Variants in CCT6A observed in about 807,000 individuals in gnomAD.
CCT6A encodes the protein chaperonin containing TCP1 subunit 6A, also known as T-complex protein 1 subunit zeta.
A neutral mutation model predicts 58.6 loss-of-function variants in CCT6A; 6 were observed. That is an observed-to-expected ratio of 0.10 (90% CI 0.06 to 0.20). The LOEUF (loss-of-function observed/expected upper bound fraction) is 0.20, where lower values mean the gene tolerates loss of function less well. Among genes scored for constraint, CCT6A ranks in the 10% least tolerant of loss-of-function variants. The pLI, the probability that CCT6A is intolerant of heterozygous loss-of-function variation, is 1.00. For synonymous variants in CCT6A, 245 were observed against 227.8 expected, an observed-to-expected ratio of 1.08 and a Z score of -0.68; for missense variants, 516 against 648.8, an observed-to-expected ratio of 0.80 and a Z score of 2.22.
At chr7:56,055,891 C>T in intron 4 of CCT6A, 94 bp downstream of exon 4, 2 of 930,658 alleles carry the variant, frequency 2.1e-6, no homozygotes, top group Non-Finnish European at 3.3e-6. Flanking sequence ...ATTTCAATTA[C>T]AAGGTGCTGT....
intron 2 of CCT6A, among the ~76,000 whole-genome samples, chr7:56,053,558 C>T (rs1165830384): frequency 3.3e-5 from 5 of 152,056 alleles, no homozygotes; most frequent in Admixed American, 2.0e-4. Flanking sequence ...TCACGACCAG[C>T]CCTGGCCAAC....
At chr7:56,052,808 T>A (rs1421649832) in intron 2 of CCT6A, among the ~76,000 whole-genome samples, 2 of 23,810 alleles carry the variant, frequency 8.4e-5, no homozygotes, top group South Asian at 1.1e-3. Context: ...TTTTTTTTTT[T>A]AATTAGACGA....
At chr7:56,057,949 C>T (rs758518835) in intron 5 of CCT6A, 44 bp from the exon 6 acceptor site, 5 of 968,412 alleles carry the variant, frequency 5.2e-6, no homozygotes, top group African/African-American at 4.8e-5. Flanking sequence ...TATTAAATAC[C>T]CATCTGAAAA....
chr7:56,060,575 C>T (rs753010903), intron 10 of CCT6A, 159 bp downstream of exon 10: 8 of 945,684 alleles, frequency 8.5e-6, no homozygotes, highest in Non-Finnish European at 1.0e-5. Flanking sequence ...TTTTTCATAG[C>T]ATATCATTAT....
At chr7:56,054,970 T>C (rs975811774) in intron 3 of CCT6A, among the ~76,000 whole-genome samples, 2 of 152,156 alleles carry the variant, frequency 1.3e-5, no homozygotes, top group African/African-American at 4.8e-5. Context: ...AGTTTGAGAT[T>C]ACCTATAGAA....
chr7:56,060,462 T>C (rs778502846), intron 10 of CCT6A, 46 bp downstream of exon 10: 3 of 1,589,682 alleles, frequency 1.9e-6, no homozygotes, highest in Non-Finnish European at 2.6e-6. Context: ...GTTTTGCTGG[T>C]CTGAAAGGCA....
intron 3 of CCT6A, among the ~76,000 whole-genome samples, chr7:56,055,165 T>A (rs1009547172): frequency 6.6e-6 from 1 of 152,056 alleles, no homozygotes; most frequent in African/African-American, 2.4e-5. Flanking sequence ...TCCCAGCTAC[T>A]TGGGAAGCTG....
At chr7:56,062,890 T>C in intron 13 of CCT6A, 123 bp from the exon 14 acceptor site, 1 of 1,116,848 alleles carries the variant, frequency 9.0e-7, no homozygotes, top group East Asian at 2.3e-5. Flanking sequence ...AGCCCTCTGA[T>C]GTGTAGAGGG....
intron 3 of CCT6A, among the ~76,000 whole-genome samples, chr7:56,054,741 TTAGTG>T (rs1391173610): frequency 6.6e-6 from 1 of 152,188 alleles, no homozygotes; most frequent in Non-Finnish European, 1.5e-5. Flanking sequence ...GCATCTGTCT[TTAGTG>T]TAGATTAATA....
At position 56,059,691 on chromosome 7, in the gene CCT6A, ATTTTTGTT is replaced by A. The variant is rs774734372; in HGVS notation, c.1065+53_1065+60del. 6.4e-6 allele frequency: 6 copies of A among 944,256 alleles called. No individual in the cohort carries two copies. In the African/African-American group the frequency reaches 9.7e-5, roughly 15 times the overall value. 58.5% of individuals were successfully genotyped at this position (944,256 alleles called of 1,614,324 possible). A position where few individuals can be genotyped will look rare whatever the true frequency, so the allele number is the denominator to read the frequency against. ...AATAGAACCTTTTAGCTCGTGAATTATTTTTGTTTGTTTGTTTGAGGTGGGGTCTCACT... is the reference window on the plus strand; with the variant it reads ...AATAGAACCTTTTAGCTCGTGAATTATGTTTGTTTGAGGTGGGGTCTCACT... On this transcript the variant is annotated intron_variant, in intron 9 of 13. Transcript: ENST00000275603.
At chr7:56,057,679 A>G (rs1411365745) in intron 5 of CCT6A, among the ~76,000 whole-genome samples, 2 of 152,062 alleles carry the variant, frequency 1.3e-5, no homozygotes, top group East Asian at 1.9e-4. Flanking sequence ...AGGAGATCGA[A>G]ACCATCCTGG....
At chr7:56,062,325 C>G (rs966764265) in intron 12 of CCT6A, among the ~76,000 whole-genome samples, 1 of 152,142 alleles carries the variant, frequency 6.6e-6, no homozygotes, top group African/African-American at 2.4e-5. Context: ...TAACAGGTAC[C>G]TCCATGCAGT....
Position 56,059,620 on chromosome 7 carries a change from C to G in CCT6A, c.1045C>G (p.Leu349Val), listed in dbSNP as rs999166269. The G allele has an allele frequency of 1.3e-6, 2 of 1,542,096 alleles. No individual in the cohort carries two copies. Among genetic ancestry groups the G allele is most frequent in the Non-Finnish European group, 1.8e-6 (2 of 1,114,448 alleles). ...TCCTGACTGCTTGGGACATGCAGGA[C>G]TTGTATATGAGTATACATTGGTAAG... ...LSPDCLGHAG[L>V]VYEYTLGEEK... is the part of the protein sequence containing the mutation. Residue 349 changes from leucine (L) to valine (V), a missense_variant, in exon 9 of 14, where the codon CTT becomes GTT. Leu to Val is a conservative substitution (Grantham distance 32). This residue lies in a region of CCT6A where 315 missense variants were observed against 389.4 expected (regional missense o/e 0.81). Coordinates refer to ENST00000275603, the MANE Select transcript of CCT6A (RefSeq NM_001762.4).
chr7:56,058,437 T>C lies in CCT6A; in HGVS notation c.801T>C (p.Ile267=). The C allele has an allele frequency of 1.2e-6, 2 of 1,604,712 alleles. No individual in the cohort carries two copies. Among genetic ancestry groups the C allele is most frequent in the Non-Finnish European group, 1.7e-6 (2 of 1,176,330 alleles). ...EKLVKAERKF[I]EDRVKKIIEL... ...TCGTGAAAGCTGAAAGAAAATTCAT[T>C]GAAGATAGGGTTAAAAAAATAATAG... The change falls in exon 7 of 14, where the codon ATT becomes ATC. Residue 267 remains isoleucine (I), a synonymous_variant. Transcript: ENST00000275603.
rs538605076 is a variant in CCT6A, at chr7:56,058,858, T to C, written c.968+156T>C. The C allele has an allele frequency of 1.4e-4, 71 of 500,522 alleles. 1 individual carries two copies. The highest frequency in any genetic ancestry group is 9.9e-4 in the Middle Eastern group (2 of 2,024). The allele number at this position is 500,522 out of a possible 1,614,324, so 31.0% of individuals were successfully genotyped here. A position where few individuals can be genotyped will look rare whatever the true frequency, so the allele number is the denominator to read the frequency against. On this transcript the variant is annotated intron_variant, in intron 8 of 13. Coordinates refer to ENST00000275603, the MANE Select transcript of CCT6A (RefSeq NM_001762.4). ...GTCAGCACTGTCCATCTCTAGGACT[T>C]TTTTCATCATCACAAACTGAAACTG... is the stretch of plus-strand genomic sequence containing the variant.
Position 56,061,787 on chromosome 7 carries a change from T to C in CCT6A, c.1388T>C (p.Leu463Ser), listed in dbSNP as rs1794446224. The C allele has an allele frequency of 6.2e-7, 1 of 1,604,666 alleles. No homozygotes were observed. The highest frequency in any genetic ancestry group is 8.5e-7 in the Non-Finnish European group (1 of 1,175,646). ...TCTGGTTTTGACCTTCAGGAAACATTAGTTAAAATTCAAGCAGAACATTCA... is the reference window on the plus strand; with the variant it reads ...TCTGGTTTTGACCTTCAGGAAACATCAGTTAAAATTCAAGCAGAACATTCA... ...QNSGFDLQET[L>S]VKIQAEHSES... The change falls in exon 12 of 14, where the codon TTA becomes TCA. Residue 463 changes from leucine (L) to serine (S), a missense_variant. This residue lies in a region of CCT6A where 315 missense variants were observed against 389.4 expected (regional missense o/e 0.81). Coordinates refer to ENST00000275603, the MANE Select transcript of CCT6A (RefSeq NM_001762.4).
rs192970041 is a variant in CCT6A, at chr7:56,060,407, A to G, written c.1204A>G (p.Ile402Val). The change falls in exon 10 of 14, where the codon ATT becomes GTT. Residue 402 changes from isoleucine to valine, a missense_variant. Physicochemically the swap from Ile to Val is conservative, Grantham distance 29. Around this residue, in one of 3 missense-constraint regions of CCT6A, gnomAD observed 315 missense variants for 389.4 expected, o/e 0.81. Transcript: ENST00000275603. ...CGGCTTGAGGGCTGTCAAAAATGCT[A>G]TTGATGATGGTAAGATCCTCACTGT... Reference protein sequence around the residue: ...RDGLRAVKNAIDDGCVVPGAG... With the variant: ...RDGLRAVKNAVDDGCVVPGAG... 8.3e-4 allele frequency: 1,338 copies of G among 1,614,050 alleles called. 22 individuals carry two copies. The East Asian group carries it at 0.026, about 31-fold the overall frequency.
intron 2 of CCT6A, among the ~76,000 whole-genome samples, chr7:56,052,731 AT>A (rs1401308509): frequency 6.6e-6 from 1 of 152,062 alleles, no homozygotes; most frequent in Non-Finnish European, 1.5e-5. Context: ...AACTTGAAAA[AT>A]TAAGAGAGGT....
At position 56,062,760 on chromosome 7, in the gene CCT6A, G is replaced by A. The variant is rs368347940; in HGVS notation, c.1523+5G>A. 64 of 1,603,064 alleles carry A rather than the reference G, an allele frequency of 4.0e-5. No homozygotes were observed. Among genetic ancestry groups the A allele is most frequent in the Non-Finnish European group, 5.2e-5 (61 of 1,174,850 alleles). Reference sequence around the variant, plus strand: ...GAAACAGCTTCTTCACTCCTGGTAAGTTTGGGAAAATGAAAACTAAACTGT... The same window carrying A: ...GAAACAGCTTCTTCACTCCTGGTAAATTTGGGAAAATGAAAACTAAACTGT... On this transcript the variant is annotated splice_donor_5th_base_variant and intron_variant, in intron 13 of 13. Coordinates refer to ENST00000275603, the MANE Select transcript of CCT6A (RefSeq NM_001762.4).
Sources: gnomAD v4.1 joint callset for allele counts (sites outside exome capture counted in the v4.1 genomes callset) on GRCh38, gnomAD v4.1.1 for gene constraint, gnomAD v4.1.1 regional missense constraint, MANE v1.5 for transcripts, NCBI Gene and HGNC (gene_info 2026-07-23, HGNC 2026-07-21) for gene names.